Variants in TRIM5 observed in about 807,000 individuals in gnomAD.
TRIM5 encodes the protein tripartite motif-containing protein 5.
In TRIM5, 31 loss-of-function variants were observed where a neutral mutation model predicts 35.6. The observed-to-expected ratio is 0.87, with a 90% CI of 0.65 to 1.18. The LOEUF is 1.18. TRIM5 is among the 50% of genes most tolerant of loss of function. The pLI, the probability that TRIM5 is intolerant of heterozygous loss-of-function variation, is 0.00. For synonymous variants in TRIM5, 243 were observed against 215.6 expected (o/e 1.13, Z -1.11); for missense variants, 609 against 591.6 (o/e 1.03, Z -0.31).
chr11:5,619,067 A>T, the TRIM5 span, among the ~76,000 whole-genome samples: 5 of 152,230 alleles, frequency 3.3e-5, no homozygotes, highest in Non-Finnish European at 7.3e-5. Context: ...AGCCTGAGTC[A>T]TATGAACTCC....
the TRIM5 span, among the ~76,000 whole-genome samples, chr11:5,619,087 ACGAC>A: frequency 1.3e-5 from 2 of 152,146 alleles, no homozygotes; most frequent in African/African-American, 4.8e-5. Context: ...CCTGGGAAAA[ACGAC>A]CAGCTTTGTG....
the TRIM5 span, among the ~76,000 whole-genome samples, chr11:5,595,534 A>G: frequency 6.6e-6 from 1 of 152,186 alleles, no homozygotes; most frequent in African/African-American, 2.4e-5. Flanking sequence ...AGACATTTTA[A>G]TTAATACGTC....
At chr11:5,680,968 A>G (rs1196134290) in intron 1 of TRIM5, among the ~76,000 whole-genome samples, 5 of 152,210 alleles carry the variant, frequency 3.3e-5, no homozygotes, top group African/African-American at 1.2e-4. Context: ...AACAGCATAT[A>G]TCCAATTAAT....
the TRIM5 span, among the ~76,000 whole-genome samples, chr11:5,614,728 G>A: frequency 1.1e-4 from 16 of 152,176 alleles, no homozygotes; most frequent in African/African-American, 3.6e-4. Flanking sequence ...GCGAGTGCTT[G>A]TTAGAGCTGG....
At chr11:5,643,705 C>T in the TRIM5 span, 1 of 1,573,712 alleles carries the variant, frequency 6.4e-7, no homozygotes, top group East Asian at 2.2e-5. Context: ...CCACCAAGCT[C>T]TTGAATTTTC....
chr11:5,643,561 A>G, the TRIM5 span: 2 of 1,614,120 alleles, frequency 1.2e-6, no homozygotes, highest in Non-Finnish European at 1.7e-6. Flanking sequence ...CTCGACTATG[A>G]AGCAGGCATT....
chr11:5,659,280 G>C (rs559902399), downstream of TRIM5, among the ~76,000 whole-genome samples: 1 of 152,280 alleles, frequency 6.6e-6, no homozygotes. Flanking sequence ...GCTTTGAGCA[G>C]CAGGGCACTG....
chr11:5,603,857 CTG>C, the TRIM5 span: 1 of 1,449,778 alleles, frequency 6.9e-7, no homozygotes, highest in Admixed American at 2.8e-5. Context: ...AACCTGGAAA[CTG>C]CCTCCCTGAT....
Position 5,683,534 on chromosome 11 carries a change from T to C in TRIM5, c.-62+1334A>G, listed in dbSNP as rs527694310. Among the ~76,000 whole-genome samples, 141 of 151,982 alleles carry C rather than the reference T, an allele frequency of 9.3e-4. 1 individual carries two copies. Among genetic ancestry groups the C allele is most frequent in the African/African-American group, 3.0e-3 (124 of 41,424 alleles). On this transcript the variant is annotated intron_variant, in intron 1 of 7. Transcript: ENST00000380034. ...AGAAACTTTATGTCTAGCGAAGGGA[T>C]TGTAAATACACCAATCGGCACTCTG... is the stretch of plus-strand genomic sequence containing the variant.
In TRIM5 at chr11:5,679,188, AC is replaced by A; in HGVS notation, c.418-20del. ...GCTTCACCTGTGAGAAAGGAATCAC[AC>A]CATAGTCAAGCTATGAGGTTTTCCA... On this transcript the variant is annotated intron_variant, in intron 2 of 7. Coordinates refer to ENST00000380034, the MANE Select transcript of TRIM5 (RefSeq NM_033034.3). 2 of 1,607,680 alleles carry A rather than the reference AC, an allele frequency of 1.2e-6. No homozygotes were observed. Among genetic ancestry groups the A allele is most frequent in the Non-Finnish European group, 1.7e-6 (2 of 1,175,276 alleles).
At chr11:5,642,634 T>C in the TRIM5 span, 2 of 1,401,428 alleles carry the variant, frequency 1.4e-6, no homozygotes, top group Non-Finnish European at 1.9e-6. Flanking sequence ...AGGAATATTC[T>C]GTGGTGAAGA....
chr11:5,670,888 A>C (rs946952826), intron 4 of TRIM5, among the ~76,000 whole-genome samples: 1 of 152,204 alleles, frequency 6.6e-6, no homozygotes, highest in African/African-American at 2.4e-5. Flanking sequence ...GAAGGTACAG[A>C]AACACTTCTT....
At chr11:5,600,890 C>T in the TRIM5 span, among the ~76,000 whole-genome samples, 10 of 152,068 alleles carry the variant, frequency 6.6e-5, no homozygotes, top group Non-Finnish European at 1.3e-4. Context: ...GGTAGACAAG[C>T]AGAACAAATG....
intron 4 of TRIM5, among the ~76,000 whole-genome samples, chr11:5,668,420 CAA>C (rs1256140109): frequency 7.2e-5 from 11 of 152,080 alleles, no homozygotes; most frequent in Non-Finnish European, 1.6e-4. Context: ...AGGGTATAAG[CAA>C]ACAAGTGTAC....
the TRIM5 span, among the ~76,000 whole-genome samples, chr11:5,600,636 C>A: frequency 6.6e-6 from 1 of 152,178 alleles, no homozygotes; most frequent in African/African-American, 2.4e-5. Context: ...CCACCAGGTC[C>A]TCAAGATGGG....
the TRIM5 span, chr11:5,611,394 AT>A: frequency 2.2e-6 from 3 of 1,351,424 alleles, 1 homozygote; most frequent in South Asian, 4.0e-5. Context: ...GCTTATCAGC[AT>A]GTGATTCTCC....
intron 4 of TRIM5, among the ~76,000 whole-genome samples, chr11:5,672,314 C>T (rs982070034): frequency 2.6e-5 from 4 of 152,004 alleles, no homozygotes; most frequent in South Asian, 2.1e-4. Flanking sequence ...CAGGTTCAAG[C>T]GAGTCTCCTG....
the TRIM5 span, chr11:5,611,363 A>ACTT: frequency 6.4e-7 from 1 of 1,574,304 alleles, no homozygotes; most frequent in Non-Finnish European, 8.7e-7. Flanking sequence ...GTTCCCACCC[A>ACTT]CTTCTGATAA....
chr11:5,629,312 G>A, the TRIM5 span, among the ~76,000 whole-genome samples: 1 of 151,994 alleles, frequency 6.6e-6, no homozygotes, highest in African/African-American at 2.4e-5. Flanking sequence ...TTGAATTTAG[G>A]GCCTGTCTTT....
Sources: gnomAD v4.1 joint callset for allele counts (sites outside exome capture counted in the v4.1 genomes callset) on GRCh38, gnomAD v4.1.1 for gene constraint, MANE v1.5 for transcripts, NCBI Gene and HGNC (gene_info 2026-07-23, HGNC 2026-07-21) for gene names.